The following EYS variants were observed in gnomAD, a reference collection of about 807,000 sequenced individuals.
EYS encodes the protein protein eyes shut homolog.
Under a neutral mutation model 282.1 loss-of-function variants are expected in EYS, and 250 were observed. That is an observed-to-expected ratio of 0.89 (90% CI 0.80 to 0.98). The LOEUF (loss-of-function observed/expected upper bound fraction) is 0.98, where lower values mean the gene tolerates loss of function less well. Among genes scored for constraint, EYS ranks in the 50% least tolerant of loss-of-function variants. The probability of loss-of-function intolerance (pLI) is 0.00; values close to 1 mark genes in which losing one functional copy is unlikely to be tolerated. For missense variants in EYS, 4,016 were observed against 3,709.0 expected (o/e 1.08, Z -2.15); for synonymous variants, 1,355 against 1,282.9 (o/e 1.06, Z -1.20).
At chr6:64,717,161 A>G (rs1433068891) in intron 22 of EYS, among the ~76,000 whole-genome samples, 1 of 152,208 alleles carries the variant, frequency 6.6e-6, no homozygotes, top group Non-Finnish European at 1.5e-5. Flanking sequence ...TAAATAAAAT[A>G]ATGAGTGGAC....
intron 12 of EYS, among the ~76,000 whole-genome samples, chr6:65,131,875 A>G (rs1775889240): frequency 6.6e-6 from 1 of 151,990 alleles, no homozygotes; most frequent in Non-Finnish European, 1.5e-5. Flanking sequence ...CTTAAAAATG[A>G]CAAAGGAGTT....
At chr6:64,429,831 G>C (rs1774522832) in intron 28 of EYS, among the ~76,000 whole-genome samples, 1 of 152,058 alleles carries the variant, frequency 6.6e-6, no homozygotes, top group Non-Finnish European at 1.5e-5. Flanking sequence ...CAATTCCTTG[G>C]ATGAATAATT....
intron 22 of EYS, among the ~76,000 whole-genome samples, chr6:64,690,306 A>T (rs987573059): frequency 7.2e-5 from 11 of 152,166 alleles, no homozygotes; most frequent in Admixed American, 2.0e-4. Flanking sequence ...TAGAATGGTG[A>T]TCATTAAAAA....
chr6:64,628,772 C>T (rs962205195), intron 22 of EYS, among the ~76,000 whole-genome samples: 2 of 151,998 alleles, frequency 1.3e-5, no homozygotes, highest in Non-Finnish European at 2.9e-5. Flanking sequence ...AAACTACTTA[C>T]CTAATAAAGA....
Position 64,813,396 on chromosome 6 carries a change from C to T in EYS, c.3425G>A (p.Gly1142Glu). 1 of 1,547,242 alleles carries T rather than the reference C, an allele frequency of 6.5e-7. No individual in the cohort carries two copies. Among genetic ancestry groups the T allele is most frequent in the East Asian group, 2.5e-5 (1 of 40,706 alleles). ...TACTGACCTGCAGTCAAAAGTATGT[C>T]CAGGCCCATCAACACAGATCCCTCC... ...LNGGICVDGP[G>E]HTFDCRCLPG... is the part of the protein sequence containing the mutation. Residue 1142 changes from glycine (G) to glutamate (E), a missense_variant, in exon 22 of 43, where the codon GGA (glycine) becomes GAA (glutamate). By Grantham distance (98) the Gly-to-Glu change is moderately conservative. Coordinates refer to ENST00000503581, the MANE Select transcript of EYS (RefSeq NM_001142800.2).
intron 31 of EYS, among the ~76,000 whole-genome samples, chr6:64,085,901 A>C (rs552104389): frequency 5.3e-5 from 8 of 152,332 alleles, no homozygotes; most frequent in African/African-American, 1.9e-4. Flanking sequence ...CTTGTTAGCA[A>C]GTTCTTCATC....
intron 2 of EYS, among the ~76,000 whole-genome samples, chr6:65,575,056 T>A (rs1157866543): frequency 1.3e-5 from 2 of 152,140 alleles, no homozygotes; most frequent in Non-Finnish European, 2.9e-5. Flanking sequence ...ACGTGGTGGC[T>A]CACGCCTATA....
intron 13 of EYS, among the ~76,000 whole-genome samples, chr6:65,018,219 C>G (rs1336131874): frequency 2.0e-5 from 3 of 152,182 alleles, no homozygotes; most frequent in South Asian, 4.1e-4. Context: ...AAACAACAGA[C>G]AGTTAGTGTT....
chr6:64,279,881 C>G (rs1032330949), intron 30 of EYS, among the ~76,000 whole-genome samples: 1 of 152,148 alleles, frequency 6.6e-6, no homozygotes, highest in Non-Finnish European at 1.5e-5. Flanking sequence ...TTACAGTTCA[C>G]GTTTCAACAA....
intron 22 of EYS, among the ~76,000 whole-genome samples, chr6:64,656,987 C>G (rs1768774425): frequency 1.3e-5 from 2 of 152,246 alleles, no homozygotes; most frequent in East Asian, 3.9e-4. Context: ...GTGTGGGAGT[C>G]TAAGTCTCTT....
intron 35 of EYS, among the ~76,000 whole-genome samples, chr6:63,894,588 TG>T (rs1283123912): frequency 1.3e-5 from 2 of 151,538 alleles, no homozygotes; most frequent in Non-Finnish European, 2.9e-5. Context: ...TTTGTTTGTT[TG>T]TTTTTTTTTT....
intron 11 of EYS, among the ~76,000 whole-genome samples, chr6:65,311,962 T>C (rs1769172263): frequency 6.6e-6 from 1 of 152,210 alleles, no homozygotes; most frequent in Non-Finnish European, 1.5e-5. Context: ...TTATTGTATA[T>C]TTGAAATTTA....
intron 22 of EYS, among the ~76,000 whole-genome samples, chr6:64,722,195 C>A (rs1277449849): frequency 1.3e-5 from 2 of 151,902 alleles, no homozygotes; most frequent in African/African-American, 4.8e-5. Context: ...TAAAAGAAAT[C>A]GTATATATTA....
intron 5 of EYS, 31 bp from the exon 6 acceptor site, chr6:65,405,398 GA>G (rs776146291): frequency 6.2e-5 from 76 of 1,223,570 alleles, no homozygotes; most frequent in Non-Finnish European, 8.9e-5. Flanking sequence ...GAAAAAAAAA[GA>G]AAAGGAAGGA....
intron 1 of EYS, among the ~76,000 whole-genome samples, chr6:65,653,006 G>A (rs917215938): frequency 4.6e-5 from 7 of 151,884 alleles, no homozygotes; most frequent in Admixed American, 6.6e-5. Context: ...CGAAGAGGAG[G>A]TTCAACCTAA....
At chr6:65,547,299 A>G (rs1768426963) in intron 2 of EYS, among the ~76,000 whole-genome samples, 1 of 151,608 alleles carries the variant, frequency 6.6e-6, no homozygotes. Context: ...CATGATATGA[A>G]TCTACTAAAA....
chr6:64,175,765 G>A (rs1764610918), intron 31 of EYS, among the ~76,000 whole-genome samples: 1 of 152,076 alleles, frequency 6.6e-6, no homozygotes, highest in Non-Finnish European at 1.5e-5. Flanking sequence ...CACCCCAACG[G>A]CAACTGTGGC....
intron 31 of EYS, among the ~76,000 whole-genome samples, chr6:64,135,959 A>T (rs1774147600): frequency 6.6e-6 from 1 of 151,994 alleles, no homozygotes; most frequent in African/African-American, 2.4e-5. Flanking sequence ...CTTACAAAAG[A>T]TTCCTCTATA....
chr6:65,635,307 T>C (rs1258532078), intron 2 of EYS, among the ~76,000 whole-genome samples: 1 of 152,180 alleles, frequency 6.6e-6, no homozygotes, highest in Admixed American at 6.5e-5. Context: ...TAAGGTGCTA[T>C]GGAGCCCAAA....
Sources: allele counts gnomAD v4.1 joint callset (sites outside exome capture counted in the v4.1 genomes callset), GRCh38; gene constraint gnomAD v4.1.1; transcripts MANE v1.5; gene names NCBI Gene and HGNC (gene_info 2026-07-23, HGNC 2026-07-21).